The following DCC variants were observed in gnomAD, a reference collection of about 807,000 sequenced individuals.
DCC encodes DCC netrin 1 receptor.
In DCC, 58 loss-of-function variants were observed where a neutral mutation model predicts 172.5. That is an observed-to-expected ratio of 0.34 (90% CI 0.27 to 0.42). The LOEUF is 0.42. Ranked by LOEUF, DCC falls within the 10% of genes least tolerant of loss-of-function variation. The pLI, the probability that DCC is intolerant of heterozygous loss-of-function variation, is 1.00. For synonymous variants in DCC, 709 were observed against 644.5 expected (o/e 1.10, Z -1.52); for missense variants, 1,740 against 1,791.0 (o/e 0.97, Z 0.51).
At chr18:52,776,392 T>G (rs2037433332) in intron 2 of DCC, among the ~76,000 whole-genome samples, 2 of 152,004 alleles carry the variant, frequency 1.3e-5, no homozygotes, top group Admixed American at 6.5e-5. Context: ...TAGTAGAAAT[T>G]TTAAAAGAAA....
At chr18:52,465,202 C>T (rs1028717920) in intron 1 of DCC, among the ~76,000 whole-genome samples, 9 of 152,044 alleles carry the variant, frequency 5.9e-5, no homozygotes, top group Admixed American at 2.0e-4. Context: ...AGGGACCACC[C>T]ACCTAGTAAA....
chr18:53,516,949 T>G (rs1368551357), intron 27 of DCC, among the ~76,000 whole-genome samples: 5 of 144,740 alleles, frequency 3.5e-5, no homozygotes, highest in African/African-American at 1.1e-4. Flanking sequence ...CATTACTGGG[T>G]ATATACCCAA....
intron 17 of DCC, among the ~76,000 whole-genome samples, chr18:53,396,205 A>G (rs1243863749): frequency 2.0e-5 from 3 of 152,156 alleles, no homozygotes; most frequent in Non-Finnish European, 4.4e-5. Context: ...TTAGACATAA[A>G]TAGATAATAA....
At chr18:52,990,540 CAAAAAAAAAAAAA>C (rs60491222) in intron 5 of DCC, among the ~76,000 whole-genome samples, 1 of 3,660 alleles carries the variant, frequency 2.7e-4, no homozygotes. Flanking sequence ...AACTCCATCC[CAAAAAAAAAAAAA>C]AAAAAAAAAA....
chr18:52,906,326 C>T lies in DCC; in HGVS notation c.695C>T (p.Ser232Leu), dbSNP rs1186851421. The change falls in exon 3 of 29, where the codon TCA becomes TTA. Residue 232 changes from serine to leucine, a missense_variant and splice_region_variant. Ser to Leu is a moderately radical substitution (Grantham distance 145). This residue lies in a region of DCC where 1,732 missense variants were observed against 1,767.4 expected (regional missense o/e 0.98). Transcript: ENST00000442544. ...AATGAAGCAGAAGTCAGAATTTTAT[C>T]AGGTATTGCAATGCTCTTTGTTGCC... ...TGNEAEVRIL[S>L]DPGLHRQLYF... 1 of 1,613,742 alleles carries T rather than the reference C, an allele frequency of 6.2e-7. No individual in the cohort carries two copies. The highest frequency in any genetic ancestry group is 1.3e-5 in the African/African-American group (1 of 74,950).
chr18:52,892,317 A>G (rs1012272274), intron 2 of DCC: 14 of 152,084 alleles, frequency 9.2e-5, no homozygotes, highest in Non-Finnish European at 2.1e-4. Context: ...TTCCTACCAC[A>G]CATACCTGCA....
intron 8 of DCC, among the ~76,000 whole-genome samples, chr18:53,178,714 C>T (rs764073183): frequency 6.6e-6 from 1 of 152,116 alleles, no homozygotes; most frequent in Non-Finnish European, 1.5e-5. Flanking sequence ...AAAAGACTTT[C>T]GTTTGCAAGT....
At chr18:52,569,784 T>C (rs534688312) in intron 1 of DCC, among the ~76,000 whole-genome samples, 7 of 152,282 alleles carry the variant, frequency 4.6e-5, no homozygotes, top group African/African-American at 1.7e-4. Context: ...ACCATTTATG[T>C]TATAGCTAGA....
chr18:53,158,735 T>C (rs1479239446), intron 8 of DCC, among the ~76,000 whole-genome samples: 1 of 152,172 alleles, frequency 6.6e-6, no homozygotes, highest in Non-Finnish European at 1.5e-5. Flanking sequence ...TCCACGCCTG[T>C]AATCCCAGCA....
intron 1 of DCC, among the ~76,000 whole-genome samples, chr18:52,517,320 G>T (rs1375609987): frequency 6.6e-6 from 1 of 152,208 alleles, no homozygotes; most frequent in African/African-American, 2.4e-5. Context: ...GAGACCACTA[G>T]TTTAAAGAAT....
chr18:53,056,807 A>C (rs1361756238), intron 5 of DCC, among the ~76,000 whole-genome samples: 1 of 152,032 alleles, frequency 6.6e-6, no homozygotes, highest in Non-Finnish European at 1.5e-5. Flanking sequence ...AAATCTGTTC[A>C]TCAATCTGGT....
At position 52,923,803 on chromosome 18, in the gene DCC, G is replaced by C. The variant is rs751871934; in HGVS notation, c.794G>C (p.Gly265Ala). 3.1e-6 allele frequency: 5 copies of C among 1,613,208 alleles called. No homozygotes were observed. The African/African-American group carries it at 6.7e-5, about 22-fold the overall frequency. The change falls in exon 4 of 29, where the codon GGC becomes GCC. Residue 265 changes from glycine (G) to alanine (A), a missense_variant. By Grantham distance (60) the Gly-to-Ala change is moderately conservative. Around this residue, in one of 2 missense-constraint regions of DCC, gnomAD observed 1,732 missense variants for 1,767.4 expected, o/e 0.98. Coordinates refer to ENST00000442544, the MANE Select transcript of DCC (RefSeq NM_005215.4). ...GCTGTCCTGGAATGTTGTGTTTCTG[G>C]CTATCCTCCACCAAGTTTTACCTGG... is the stretch of plus-strand genomic sequence containing the variant. ...KDAVLECCVSGYPPPSFTWLR... is the reference protein window; with the variant it reads ...KDAVLECCVSAYPPPSFTWLR...
chr18:53,282,315 C>A (rs931525288), intron 12 of DCC, among the ~76,000 whole-genome samples: 1 of 152,160 alleles, frequency 6.6e-6, no homozygotes, highest in African/African-American at 2.4e-5. Flanking sequence ...ACACTGTTTT[C>A]CAGGCAAGAG....
chr18:53,441,916 C>T (rs1461526204), intron 22 of DCC, among the ~76,000 whole-genome samples: 1 of 152,162 alleles, frequency 6.6e-6, no homozygotes, highest in African/African-American at 2.4e-5. Context: ...TCCTCTTTCT[C>T]TGTGTAGCCT....
chr18:53,131,799 G>C (rs1568322981), intron 7 of DCC, among the ~76,000 whole-genome samples: 1 of 151,976 alleles, frequency 6.6e-6, no homozygotes, highest in Non-Finnish European at 1.5e-5. Flanking sequence ...AGAAGAGACA[G>C]AGAAAATCAT....
chr18:52,810,908 A>G (rs186712153), intron 2 of DCC, among the ~76,000 whole-genome samples: 252 of 151,976 alleles, frequency 1.7e-3, no homozygotes, highest in Non-Finnish European at 2.7e-3. Flanking sequence ...TATTTGGCTG[A>G]CTCCTGTACT....
intron 1 of DCC, among the ~76,000 whole-genome samples, chr18:52,350,293 T>C (rs1338376784): frequency 6.6e-6 from 1 of 152,218 alleles, no homozygotes; most frequent in Non-Finnish European, 1.5e-5. Flanking sequence ...AGTTCTGTTC[T>C]TCATGTGGTT....
chr18:52,716,572 T>C (rs1156231789), intron 1 of DCC, among the ~76,000 whole-genome samples: 1 of 152,228 alleles, frequency 6.6e-6, no homozygotes, highest in African/African-American at 2.4e-5. Context: ...TAAGTAAGTC[T>C]GATGCCTAAT....
chr18:53,525,355 C>T (rs932688268), intron 27 of DCC, among the ~76,000 whole-genome samples: 2 of 152,024 alleles, frequency 1.3e-5, no homozygotes, highest in African/African-American at 2.4e-5. Context: ...TGTTTCATTT[C>T]GCTTCTCATC....
Sources: gnomAD v4.1 joint callset for allele counts (sites outside exome capture counted in the v4.1 genomes callset) on GRCh38, gnomAD v4.1.1 for gene constraint, gnomAD v4.1.1 regional missense constraint, MANE v1.5 for transcripts, NCBI Gene and HGNC (gene_info 2026-07-23, HGNC 2026-07-21) for gene names.